The following PPP1R12B variants were observed in gnomAD, a reference collection of about 807,000 sequenced individuals.
PPP1R12B encodes the protein myosin phosphatase target subunit 2.
A neutral mutation model predicts 126.1 loss-of-function variants in PPP1R12B; 76 were observed. The ratio of observed to expected loss-of-function variants is 0.60; its 90% CI spans 0.50 to 0.73. PPP1R12B has a LOEUF of 0.73. Among genes scored for constraint, PPP1R12B ranks in the 30% least tolerant of loss-of-function variants. The pLI is 0.00. For missense variants in PPP1R12B, 1,052 were observed against 1,205.1 expected (o/e 0.87, Z 1.88); for synonymous variants, 356 against 434.7 (o/e 0.82, Z 2.25).
chr1:202,396,489 T>G lies in PPP1R12B; in HGVS notation c.292-20298T>G, dbSNP rs187478619. On this transcript the variant is annotated intron_variant, in intron 1 of 23. Coordinates refer to ENST00000608999, the MANE Select transcript of PPP1R12B (RefSeq NM_002481.4). ...AATATATGGGGCAGTGTTTCACCCATGTATAGTAAGCCCTTAATAAATGTT... is the reference window on the plus strand; with the variant it reads ...AATATATGGGGCAGTGTTTCACCCAGGTATAGTAAGCCCTTAATAAATGTT... 1.4e-4 allele frequency among the ~76,000 whole-genome samples: 21 copies of G among 152,340 alleles called. No individual in the cohort carries two copies. The East Asian group carries it at 3.5e-3, about 25-fold the overall frequency.
At position 202,382,625 on chromosome 1, in the gene PPP1R12B, C is replaced by T. The variant is rs1025475628; in HGVS notation, c.291+33483C>T. Among the ~76,000 whole-genome samples, 9 of 151,606 alleles carry T rather than the reference C, an allele frequency of 5.9e-5. 1 individual carries two copies. Among genetic ancestry groups the T allele is most frequent in the African/African-American group, 1.9e-4 (8 of 41,296 alleles). On this transcript the variant is annotated intron_variant, in intron 1 of 23. Coordinates refer to ENST00000608999, the MANE Select transcript of PPP1R12B (RefSeq NM_002481.4). Reference sequence around the variant, plus strand: ...GGCATGGTGGCTCACGCTTGTAATCCCAGCACTTTGGGAGGCTGAGGGGGG... The same window carrying T: ...GGCATGGTGGCTCACGCTTGTAATCTCAGCACTTTGGGAGGCTGAGGGGGG...
chr1:202,526,388 G>A (rs575432646), intron 18 of PPP1R12B, among the ~76,000 whole-genome samples: 1 of 152,326 alleles, frequency 6.6e-6, no homozygotes, highest in African/African-American at 2.4e-5. Flanking sequence ...GGAAGTATCT[G>A]TGTGTGCATT....
chr1:202,576,288 G>A (rs1024766018), intron 23 of PPP1R12B: 1 of 152,154 alleles, frequency 6.6e-6, no homozygotes, highest in African/African-American at 2.4e-5. Flanking sequence ...ACAGACAACT[G>A]GTTTTTCTAT....
At chr1:202,466,621 T>C (rs1339527720) in intron 13 of PPP1R12B, among the ~76,000 whole-genome samples, 2 of 152,214 alleles carry the variant, frequency 1.3e-5, no homozygotes, top group African/African-American at 4.8e-5. Context: ...TTGTACTACA[T>C]GTAAAGGACT....
intron 18 of PPP1R12B, among the ~76,000 whole-genome samples, chr1:202,532,026 G>C (rs1191447946): frequency 2.6e-5 from 4 of 152,176 alleles, no homozygotes; most frequent in Non-Finnish European, 5.9e-5. Context: ...TGGTTTTATG[G>C]TTACTTCTTG....
At chr1:202,446,256 A>ATAT (rs376183502) in intron 12 of PPP1R12B, among the ~76,000 whole-genome samples, 118 of 54,318 alleles carry the variant, frequency 2.2e-3, no homozygotes, top group Non-Finnish European at 3.2e-3. Flanking sequence ...ATATATATAT[A>ATAT]TTTTTTTTTT....
At chr1:202,570,141 C>G (rs375009934) in intron 23 of PPP1R12B, among the ~76,000 whole-genome samples, 1 of 152,044 alleles carries the variant, frequency 6.6e-6, no homozygotes, top group East Asian at 1.9e-4. Context: ...TACATGATGC[C>G]AAGCATTCAT....
intron 23 of PPP1R12B, chr1:202,574,984 A>T (rs773984968): frequency 6.3e-7 from 1 of 1,587,504 alleles, no homozygotes; most frequent in African/African-American, 1.3e-5. Context: ...TGTCCTTTTC[A>T]TGTCTCAATC....
rs185684552 is a variant in PPP1R12B at position 202,421,683 on chromosome 1, G to T, written c.423-937G>T. On this transcript the variant is annotated intron_variant, in intron 2 of 23. Coordinates refer to ENST00000608999, the MANE Select transcript of PPP1R12B (RefSeq NM_002481.4). The stretch of plus-strand genomic sequence containing the variant: ...AAAAGGGGTTTCTTCAATATAGTAG[G>T]GGTCCAGTAAATGTTTATTGAATTG... 1.6e-3 allele frequency among the ~76,000 whole-genome samples: 239 copies of T among 151,950 alleles called. 8 individuals carry two copies. In the South Asian group the frequency reaches 0.031, roughly 20 times the overall value.
rs1028759094 is a variant in PPP1R12B, at chr1:202,584,616, T to G, written c.*4056T>G. 1 of 152,252 alleles carries G rather than the reference T, an allele frequency of 6.6e-6. No individual in the cohort carries two copies. Among genetic ancestry groups the G allele is most frequent in the African/African-American group, 2.4e-5 (1 of 41,466 alleles). 9.4% of individuals were successfully genotyped at this position (152,252 alleles called of 1,614,324 possible). A position where few individuals can be genotyped will look rare whatever the true frequency, so the allele number is the denominator to read the frequency against. ...CTCCTCTCAGAGAAAGGCCAGTGTT[T>G]CGGTCCAGGCCACTGGTGAGTGTCG... is the stretch of plus-strand genomic sequence containing the variant. On this transcript the variant is annotated 3_prime_UTR_variant, in exon 24 of 24. Transcript: ENST00000608999.
chr1:202,408,453 T>G (rs532865869), intron 1 of PPP1R12B, among the ~76,000 whole-genome samples: 14 of 152,344 alleles, frequency 9.2e-5, no homozygotes, highest in South Asian at 6.2e-4. Flanking sequence ...AAGGGATCAG[T>G]TACAGCTGTG....
At chr1:202,429,595 A>G (rs1379376526) in intron 6 of PPP1R12B, among the ~76,000 whole-genome samples, 1 of 152,194 alleles carries the variant, frequency 6.6e-6, no homozygotes, top group Non-Finnish European at 1.5e-5. Flanking sequence ...AACCCACCCC[A>G]TATACAGATG....
chr1:202,496,479 G>A (rs572615927), intron 17 of PPP1R12B, among the ~76,000 whole-genome samples: 1 of 152,182 alleles, frequency 6.6e-6, no homozygotes, highest in Non-Finnish European at 1.5e-5. Flanking sequence ...TTGTTTTAGG[G>A]CTAAATTGAC....
At chr1:202,350,908 G>T (rs1655839808) in intron 1 of PPP1R12B, among the ~76,000 whole-genome samples, 2 of 151,742 alleles carry the variant, frequency 1.3e-5, no homozygotes, top group East Asian at 1.9e-4. Flanking sequence ...GGCATGAGCC[G>T]CTGTGCCTGG....
intron 1 of PPP1R12B, among the ~76,000 whole-genome samples, chr1:202,400,284 T>C (rs1233498739): frequency 3.3e-5 from 5 of 152,218 alleles, no homozygotes; most frequent in Admixed American, 6.5e-5. Context: ...ATTAAGCAAA[T>C]ACATGCTTTG....
At chr1:202,434,117 C>T (rs1313919499) in intron 8 of PPP1R12B, among the ~76,000 whole-genome samples, 1 of 152,156 alleles carries the variant, frequency 6.6e-6, no homozygotes, top group Non-Finnish European at 1.5e-5. Flanking sequence ...TTTTACTTTG[C>T]ACCACACTTA....
Position 202,449,077 on chromosome 1 carries a change from C to G in PPP1R12B, c.1756C>G (p.Arg586Gly). The change falls in exon 13 of 24, where the codon CGC becomes GGC. Residue 586 changes from arginine (R) to glycine (G), a missense_variant. Transcript: ENST00000608999. Reference protein sequence around the residue: ...SSTPLCVITNRPLPSTANGVT... With the variant: ...SSTPLCVITNGPLPSTANGVT... ...CACCCCGCTCTGTGTGATCACCAAT[C>G]GCCCTCTTCCTAGCACTGCCAATGG... is the stretch of plus-strand genomic sequence containing the variant. 6.2e-7 allele frequency: 1 copy of G among 1,613,880 alleles called. No homozygotes were observed. The highest frequency in any genetic ancestry group is 8.5e-7 in the Non-Finnish European group (1 of 1,179,844).
In PPP1R12B at chr1:202,434,022, T is replaced by C. The variant is rs1048798244; in HGVS notation, c.1142-634T>C. The stretch of plus-strand genomic sequence containing the variant: ...TAAACTACATGTCACATGAGAGATA[T>C]AAGTGTAGTCAATAGGATTCACTAG... On this transcript the variant is annotated intron_variant, in intron 8 of 23. Transcript: ENST00000608999. Among the ~76,000 whole-genome samples the C allele has an allele frequency of 2.0e-5, 3 of 152,242 alleles. 1 individual carries two copies. The highest frequency in any genetic ancestry group is 2.0e-4 in the Admixed American group (3 of 15,288).
At chr1:202,425,770 A>G (rs1412614796) in intron 4 of PPP1R12B, 45 bp downstream of exon 4, 15 of 1,551,402 alleles carry the variant, frequency 9.7e-6, no homozygotes, top group Non-Finnish European at 1.2e-5. Context: ...CTGGGAGAAG[A>G]TGGAATAGGT....
Sources: gnomAD v4.1 joint callset for allele counts (sites outside exome capture counted in the v4.1 genomes callset) on GRCh38, gnomAD v4.1.1 for gene constraint, MANE v1.5 for transcripts, NCBI Gene and HGNC (gene_info 2026-07-23, HGNC 2026-07-21) for gene names.